Variants in TTC28 observed in about 807,000 individuals in gnomAD.
The protein encoded by TTC28 is tetratricopeptide repeat domain 28.
A neutral mutation model predicts 198.0 loss-of-function variants in TTC28; 61 were observed. The ratio of observed to expected loss-of-function variants is 0.31; its 90% CI spans 0.25 to 0.38. The LOEUF is 0.38. Among genes scored for constraint, TTC28 ranks in the 10% least tolerant of loss-of-function variants. The pLI is 1.00. For synonymous variants in TTC28, 1,171 were observed against 1,297.8 expected, an observed-to-expected ratio of 0.90 and a Z score of 2.10; for missense variants, 2,678 against 3,164.0, an observed-to-expected ratio of 0.85 and a Z score of 3.69.
At chr22:28,326,966 A>G (rs1406815967) in intron 2 of TTC28, among the ~76,000 whole-genome samples, 2 of 105,908 alleles carry the variant, frequency 1.9e-5, no homozygotes, top group African/African-American at 6.5e-5. Flanking sequence ...AAAAGCATAC[A>G]CAAACACAAA....
At chr22:28,644,458 A>G (rs769351194) in intron 1 of TTC28, among the ~76,000 whole-genome samples, 2 of 151,626 alleles carry the variant, frequency 1.3e-5, no homozygotes, top group Non-Finnish European at 2.9e-5. Context: ...CTAAATGACT[A>G]CTGAGGCCTG....
chr22:28,646,303 C>G (rs2051466074), intron 1 of TTC28, among the ~76,000 whole-genome samples: 1 of 152,188 alleles, frequency 6.6e-6, no homozygotes, highest in Admixed American at 6.5e-5. Flanking sequence ...GTCCTTTTTA[C>G]AGTGGCTGCA....
intron 2 of TTC28, among the ~76,000 whole-genome samples, chr22:28,308,886 G>T (rs565120688): frequency 6.6e-6 from 1 of 152,138 alleles, no homozygotes; most frequent in Non-Finnish European, 1.5e-5. Flanking sequence ...GCTTAGGATT[G>T]TATCCCTGTA....
At chr22:28,524,968 T>C (rs1179561445) in intron 2 of TTC28, among the ~76,000 whole-genome samples, 2 of 152,210 alleles carry the variant, frequency 1.3e-5, no homozygotes, top group Non-Finnish European at 2.9e-5. Flanking sequence ...TTCAAAATCA[T>C]ATTTTGTTAA....
chr22:28,660,476 C>T (rs1458271452), intron 1 of TTC28, among the ~76,000 whole-genome samples: 3 of 152,194 alleles, frequency 2.0e-5, no homozygotes, highest in Admixed American at 1.3e-4. Flanking sequence ...CAGGCACACA[C>T]CACCACACCC....
intron 2 of TTC28, among the ~76,000 whole-genome samples, chr22:28,438,124 CTTATTT>C (rs1392749411): frequency 2.0e-5 from 3 of 152,244 alleles, no homozygotes; most frequent in South Asian, 2.1e-4. Flanking sequence ...GTCCACAATA[CTTATTT>C]TTAAAGTCTG....
intron 12 of TTC28, among the ~76,000 whole-genome samples, chr22:28,048,107 G>GT (rs956944747): frequency 2.0e-5 from 3 of 151,322 alleles, no homozygotes; most frequent in Admixed American, 6.6e-5. Flanking sequence ...GGGTAAGGAG[G>GT]TTTTTTTCTG....
At chr22:28,354,432 A>C (rs906952631) in intron 2 of TTC28, among the ~76,000 whole-genome samples, 2 of 152,338 alleles carry the variant, frequency 1.3e-5, no homozygotes, top group Non-Finnish European at 2.9e-5. Context: ...ACAAAAGGAC[A>C]AATATTTTAT....
intron 2 of TTC28, among the ~76,000 whole-genome samples, chr22:28,458,749 C>T (rs1364129957): frequency 2.0e-5 from 3 of 151,618 alleles, no homozygotes; most frequent in Non-Finnish European, 4.4e-5. Flanking sequence ...GGCGTGGTGG[C>T]GGGCGCCTGT....
chr22:28,036,977 T>C (rs947710005), intron 12 of TTC28, among the ~76,000 whole-genome samples: 25 of 152,002 alleles, frequency 1.6e-4, no homozygotes, highest in Non-Finnish European at 2.2e-4. Context: ...TAGGAAGAAG[T>C]TGAATCTCTG....
intron 2 of TTC28, among the ~76,000 whole-genome samples, chr22:28,539,190 G>A (rs1190040140): frequency 6.6e-6 from 1 of 152,188 alleles, no homozygotes; most frequent in Non-Finnish European, 1.5e-5. Context: ...CTGGCAGGAA[G>A]TTAGGAATTG....
chr22:28,590,062 A>C (rs894624986), intron 2 of TTC28, among the ~76,000 whole-genome samples: 6 of 139,512 alleles, frequency 4.3e-5, no homozygotes, highest in African/African-American at 1.3e-4. Context: ...AAAAAAAAAA[A>C]CACAGAAAAC....
intron 12 of TTC28, among the ~76,000 whole-genome samples, chr22:28,053,661 A>C (rs2146712678): frequency 6.6e-6 from 1 of 152,330 alleles, no homozygotes; most frequent in Admixed American, 6.5e-5. Flanking sequence ...TTTAATTCTG[A>C]AGTCTTTCAC....
At chr22:28,620,867 C>T (rs1276648127) in intron 2 of TTC28, among the ~76,000 whole-genome samples, 1 of 152,176 alleles carries the variant, frequency 6.6e-6, no homozygotes, top group African/African-American at 2.4e-5. Flanking sequence ...TGTTCCTGCT[C>T]ATTCCTCTCC....
intron 2 of TTC28, among the ~76,000 whole-genome samples, chr22:28,406,757 T>G (rs1307774404): frequency 6.6e-6 from 1 of 152,218 alleles, no homozygotes. Context: ...GGTGAGTCTG[T>G]GCTCGCCCTT....
In TTC28 at chr22:28,679,813, G is replaced by C. The variant is rs2052066745; in HGVS notation, c.-90C>G. On this transcript the variant is annotated 5_prime_UTR_variant, in exon 1 of 23. Transcript: ENST00000397906. ...GTTCCGCGCGCCATGTTCCCGCCGTGCTGCGCGCCGCCGCGGCGCCCCTCA... is the reference window on the plus strand; with the variant it reads ...GTTCCGCGCGCCATGTTCCCGCCGTCCTGCGCGCCGCCGCGGCGCCCCTCA... The C allele has an allele frequency of 1.7e-6, 1 of 598,392 alleles. No homozygotes were observed. Among genetic ancestry groups the C allele is most frequent in the Admixed American group, 5.4e-5 (1 of 18,524 alleles). 37.1% of individuals were successfully genotyped at this position (598,392 alleles called of 1,614,324 possible).
At chr22:28,564,695 A>G (rs978306228) in intron 2 of TTC28, among the ~76,000 whole-genome samples, 1 of 151,718 alleles carries the variant, frequency 6.6e-6, no homozygotes, top group Non-Finnish European at 1.5e-5. Context: ...CTAACAAGAT[A>G]TATTAGAATA....
intron 2 of TTC28, among the ~76,000 whole-genome samples, chr22:28,561,039 G>A (rs1223111636): frequency 2.1e-5 from 3 of 145,662 alleles, no homozygotes; most frequent in African/African-American, 7.7e-5. Flanking sequence ...TTACAGGCAT[G>A]AGCCACCATG....
chr22:28,639,976 C>G (rs1205429771), intron 1 of TTC28, among the ~76,000 whole-genome samples: 3 of 151,934 alleles, frequency 2.0e-5, no homozygotes, highest in Non-Finnish European at 4.4e-5. Context: ...CAGCTAACAA[C>G]AAGATTAATA....
Sources: gnomAD v4.1 joint callset for allele counts (sites outside exome capture counted in the v4.1 genomes callset) on GRCh38, gnomAD v4.1.1 for gene constraint, MANE v1.5 for transcripts, NCBI Gene and HGNC (gene_info 2026-07-23, HGNC 2026-07-21) for gene names.